CHODL: variants seen among roughly 807,000 people sequenced by gnomAD.
The protein encoded by CHODL is transmembrane protein MT75.
CHODL carries 29 observed loss-of-function variants against 34.5 expected under a neutral mutation model. That is an observed-to-expected ratio of 0.84 (90% CI 0.63 to 1.15). CHODL has a LOEUF of 1.15. Ranked by LOEUF, CHODL falls within the 50% of genes most tolerant of loss-of-function variation. The pLI is 0.00. For synonymous variants in CHODL, 125 were observed against 116.1 expected (o/e 1.08, Z -0.49); for missense variants, 332 against 332.5 (o/e 1.00, Z 0.01).
At position 18,001,773 on chromosome 21, in the gene CHODL, CTTTTTTTT is replaced by C. The variant is rs59908803; in HGVS notation, c.-144-26083_-144-26076del. Among the ~76,000 whole-genome samples the C allele has an allele frequency of 1.5e-4, 19 of 124,174 alleles. No homozygotes were observed. In the South Asian group the frequency reaches 3.0e-3, roughly 19 times the overall value. 81.5% of individuals were successfully genotyped at this position (124,174 alleles called of 152,430 possible). ...TCATGCCATACGTTGGCCTCATCCT[CTTTTTTTT>C]TTTTTTTTTTTTTTTAATTTCCCAC... On this transcript the variant is annotated intron_variant, in intron 1 of 6. Transcript: ENST00000400127.
chr21:18,216,212 A>C (rs546862689), intron 2 of CHODL, among the ~76,000 whole-genome samples: 12 of 152,282 alleles, frequency 7.9e-5, no homozygotes, highest in Admixed American at 6.5e-4. Flanking sequence ...ATGCATATGA[A>C]GTATAATGAT....
intron 1 of CHODL, among the ~76,000 whole-genome samples, chr21:18,026,644 A>G (rs997450118): frequency 6.6e-6 from 1 of 152,174 alleles, no homozygotes; most frequent in African/African-American, 2.4e-5. Flanking sequence ...ATGCATTAAC[A>G]TTCAGAAAAT....
rs567970245 is a variant in CHODL at position 18,196,977 on chromosome 21, C to T, written c.-44-59532C>T. ...ATAGATCCTATATGTTCTCACGACA[C>T]ACACCCGTGCGTACACACAAGCACA... On this transcript the variant is annotated intron_variant, in intron 2 of 6. Coordinates refer to the CHODL transcript ENST00000400127. Among the ~76,000 whole-genome samples the T allele has an allele frequency of 3.9e-5, 6 of 152,236 alleles. No individual in the cohort carries two copies. The South Asian group carries it at 8.3e-4, about 21-fold the overall frequency.
At chr21:18,110,950 G>C (rs1393321698) in intron 2 of CHODL, among the ~76,000 whole-genome samples, 2 of 152,026 alleles carry the variant, frequency 1.3e-5, no homozygotes, top group Non-Finnish European at 2.9e-5. Flanking sequence ...TGTAAATAGG[G>C]ATCTCTTGTC....
At chr21:18,192,920 A>G (rs2073527977) in intron 2 of CHODL, among the ~76,000 whole-genome samples, 1 of 152,182 alleles carries the variant, frequency 6.6e-6, no homozygotes, top group Non-Finnish European at 1.5e-5. Flanking sequence ...AAGCTCTACT[A>G]CTTTTTTAAA....
intron 1 of CHODL, among the ~76,000 whole-genome samples, chr21:17,934,898 C>G (rs563055626): frequency 1.4e-4 from 22 of 152,052 alleles, no homozygotes; most frequent in African/African-American, 5.3e-4. Flanking sequence ...GAAGTTAGGC[C>G]AATAGACACC....
rs958037577 is a variant in CHODL, at chr21:18,266,546, T to G, written c.*508T>G. The G allele has an allele frequency of 6.2e-6, 1 of 160,058 alleles. No homozygotes were observed. Among genetic ancestry groups the G allele is most frequent in the African/African-American group, 2.4e-5 (1 of 41,474 alleles). The allele number at this position is 160,058 out of a possible 1,614,324, so 9.9% of individuals were successfully genotyped here. A position where few individuals can be genotyped will look rare whatever the true frequency, so the allele number is the denominator to read the frequency against. ...TGATTAAAGAAACTTATTACTGTTG[T>G]CAACTGAATTCACACACACACAAAT... On this transcript the variant is annotated 3_prime_UTR_variant, in exon 6 of 6. Coordinates refer to ENST00000299295, the MANE Select transcript of CHODL (RefSeq NM_024944.3).
rs144241687 is a variant in CHODL at position 18,105,227 on chromosome 21, T to G, written c.-45+77256T>G. On this transcript the variant is annotated intron_variant, in intron 2 of 6. Coordinates refer to the CHODL transcript ENST00000400127. Reference sequence around the variant, plus strand: ...CAGTCTGGAGACGGGAGGTCACAGCTGCATGCCAGTGTGCAAGAGTAGGGG... The same window carrying G: ...CAGTCTGGAGACGGGAGGTCACAGCGGCATGCCAGTGTGCAAGAGTAGGGG... Among the ~76,000 whole-genome samples the G allele has an allele frequency of 5.3e-3, 804 of 152,252 alleles. 3 individuals are homozygous for G. The highest frequency in any genetic ancestry group is 0.018 in the African/African-American group (730 of 41,552).
chr21:18,079,515 T>A (rs1298965007), intron 2 of CHODL, among the ~76,000 whole-genome samples: 1 of 149,286 alleles, frequency 6.7e-6, no homozygotes, highest in Admixed American at 6.7e-5. Context: ...CACACATATA[T>A]ACCATAGAAT....
intron 1 of CHODL, among the ~76,000 whole-genome samples, chr21:17,922,431 G>C (rs1428218507): frequency 6.6e-6 from 1 of 152,188 alleles, no homozygotes; most frequent in Non-Finnish European, 1.5e-5. Context: ...TTACTACAGA[G>C]AAAGCAGCCA....
chr21:18,084,619 G>T (rs2146519042), intron 2 of CHODL, among the ~76,000 whole-genome samples: 1 of 152,082 alleles, frequency 6.6e-6, no homozygotes, highest in East Asian at 1.9e-4. Context: ...TTCCACTGTG[G>T]TCTGAGAAGA....
chr21:18,106,623 T>C (rs2065276614), intron 2 of CHODL, among the ~76,000 whole-genome samples: 5 of 151,804 alleles, frequency 3.3e-5, no homozygotes. Context: ...AGCCTCCAAA[T>C]AGCTGGGACT....
chr21:17,932,028 G>C (rs770174663), intron 1 of CHODL, among the ~76,000 whole-genome samples: 2 of 152,142 alleles, frequency 1.3e-5, no homozygotes, highest in Non-Finnish European at 2.9e-5. Context: ...CCTACAGAGT[G>C]GGAGAAAATA....
At chr21:18,141,059 G>T (rs1451615594) in intron 2 of CHODL, among the ~76,000 whole-genome samples, 3 of 151,896 alleles carry the variant, frequency 2.0e-5, no homozygotes, top group East Asian at 3.9e-4. Context: ...TGAAGTTGAG[G>T]ATATTTTAGA....
chr21:18,131,253 C>T (rs1381217573), intron 2 of CHODL, among the ~76,000 whole-genome samples: 1 of 152,048 alleles, frequency 6.6e-6, no homozygotes, highest in East Asian at 1.9e-4. Context: ...GACCTAATTC[C>T]TCTCAATGGC....
intron 1 of CHODL, among the ~76,000 whole-genome samples, chr21:18,256,028 A>G (rs1410285174): frequency 2.6e-5 from 4 of 152,160 alleles, no homozygotes; most frequent in African/African-American, 9.6e-5. Flanking sequence ...GGTATAAAAA[A>G]TGAAAGCAAA....
intron 1 of CHODL, among the ~76,000 whole-genome samples, chr21:17,955,864 A>C (rs1342729353): frequency 7.3e-6 from 1 of 136,742 alleles, no homozygotes; most frequent in African/African-American, 2.5e-5. Context: ...ATTTGTCAAT[A>C]ATTTGTGAGG....
chr21:17,970,503 A>T (rs1568822735), intron 1 of CHODL, among the ~76,000 whole-genome samples: 1 of 152,180 alleles, frequency 6.6e-6, no homozygotes, highest in Non-Finnish European at 1.5e-5. Flanking sequence ...TTTCTAGAAT[A>T]TTACTCCACC....
At chr21:18,227,092 G>A (rs2073937984) in intron 2 of CHODL, among the ~76,000 whole-genome samples, 1 of 152,080 alleles carries the variant, frequency 6.6e-6, no homozygotes, top group African/African-American at 2.4e-5. Flanking sequence ...CCTTCTTACT[G>A]TGTCCTCACA....
Sources: allele counts gnomAD v4.1 joint callset (sites outside exome capture counted in the v4.1 genomes callset), GRCh38; gene constraint gnomAD v4.1.1; transcripts MANE v1.5; gene names NCBI Gene and HGNC (gene_info 2026-07-23, HGNC 2026-07-21).